Variants in DPP10 observed in about 807,000 individuals in gnomAD.
The protein encoded by DPP10 is inactive dipeptidyl peptidase 10.
Under a neutral mutation model 120.9 loss-of-function variants are expected in DPP10, and 33 were observed. That is an observed-to-expected ratio of 0.27 (90% CI 0.21 to 0.37). The LOEUF (loss-of-function observed/expected upper bound fraction) is 0.37, where lower values mean the gene tolerates loss of function less well. Among genes scored for constraint, DPP10 ranks in the 10% least tolerant of loss-of-function variants. DPP10 has a pLI of 1.00. For synonymous variants in DPP10, 337 were observed against 326.1 expected (o/e 1.03, Z -0.36); for missense variants, 816 against 942.8 (o/e 0.87, Z 1.76).
At position 115,814,935 on chromosome 2, in the gene DPP10, A is replaced by G. The variant is rs774133541; in HGVS notation, c.1843A>G (p.Ile615Val). The G allele has an allele frequency of 1.2e-6, 2 of 1,612,568 alleles. No homozygotes were observed. The highest frequency in any genetic ancestry group is 2.2e-5 in the East Asian group (1 of 44,826). Residue 615 changes from isoleucine to valine, a missense_variant, in exon 20 of 26, where the codon ATT becomes GTT. By Grantham distance (29) the Ile-to-Val change is conservative. Around this residue, in one of 3 missense-constraint regions of DPP10, gnomAD observed 592 missense variants for 649.0 expected, o/e 0.91. Coordinates refer to ENST00000410059, the MANE Select transcript of DPP10 (RefSeq NM_020868.6). ...CCAGGGTCTGAAAATTTTGCAGGAGATTCATCGAAGATTAGGTTCAGTAGA... is the reference window on the plus strand; with the variant it reads ...CCAGGGTCTGAAAATTTTGCAGGAGGTTCATCGAAGATTAGGTTCAGTAGA... ...GFQGLKILQE[I>V]HRRLGSVEVK... is the part of the protein sequence containing the mutation.
rs1340178145 is a variant in DPP10 at position 115,814,778 on chromosome 2, T to TG, written c.1701-14dup. On this transcript the variant is annotated splice_polypyrimidine_tract_variant and intron_variant, in intron 19 of 25. Coordinates refer to ENST00000410059, the MANE Select transcript of DPP10 (RefSeq NM_020868.6). ...CAGTTGCTCTTGTTTTGGTCCAATA[T>TG]GTTGGTATTTGCAGGGATGAAGAAC... 1 of 1,511,074 alleles carries TG rather than the reference T, an allele frequency of 6.6e-7. No individual in the cohort carries two copies. Among genetic ancestry groups the TG allele is most frequent in the Admixed American group, 1.8e-5 (1 of 56,672 alleles). 93.6% of individuals were successfully genotyped at this position (1,511,074 alleles called of 1,614,324 possible).
At chr2:115,218,902 C>T (rs1289244059) in intron 1 of DPP10, among the ~76,000 whole-genome samples, 1 of 151,938 alleles carries the variant, frequency 6.6e-6, no homozygotes, top group African/African-American at 2.4e-5. Context: ...TAAGAGGGAC[C>T]AATATCATAT....
At chr2:115,197,762 C>G (rs1013692642) in intron 1 of DPP10, among the ~76,000 whole-genome samples, 1 of 152,088 alleles carries the variant, frequency 6.6e-6, no homozygotes, top group Non-Finnish European at 1.5e-5. Context: ...TTGGATGAAG[C>G]AACAGGATAT....
intron 2 of DPP10, among the ~76,000 whole-genome samples, chr2:115,342,872 C>T (rs1056208211): frequency 7.9e-5 from 12 of 152,072 alleles, no homozygotes; most frequent in East Asian, 5.8e-4. Flanking sequence ...TTGCATTTGA[C>T]GTTATTGACT....
intron 3 of DPP10, among the ~76,000 whole-genome samples, chr2:115,460,367 A>G (rs1350495746): frequency 2.0e-5 from 3 of 152,118 alleles, no homozygotes; most frequent in East Asian, 1.9e-4. Flanking sequence ...AGTTTTATCT[A>G]TTTGAACTCA....
intron 1 of DPP10, among the ~76,000 whole-genome samples, chr2:114,573,726 A>G (rs1244894719): frequency 6.6e-6 from 1 of 152,148 alleles, no homozygotes; most frequent in Non-Finnish European, 1.5e-5. Flanking sequence ...TGGGGAGAAA[A>G]CACTCACATA....
At chr2:115,372,104 G>C (rs2065450129) in intron 3 of DPP10, among the ~76,000 whole-genome samples, 1 of 151,994 alleles carries the variant, frequency 6.6e-6, no homozygotes, top group South Asian at 2.1e-4. Flanking sequence ...TCCTTGGAGT[G>C]TTTTATTTTA....
At chr2:115,710,648 T>C (rs2092287560) in intron 7 of DPP10, among the ~76,000 whole-genome samples, 1 of 152,146 alleles carries the variant, frequency 6.6e-6, no homozygotes, top group African/African-American at 2.4e-5. Flanking sequence ...AACAAGTCAC[T>C]ATAAAATGCC....
chr2:115,510,993 G>A (rs2077194117), intron 4 of DPP10, among the ~76,000 whole-genome samples: 1 of 152,036 alleles, frequency 6.6e-6, no homozygotes, highest in Non-Finnish European at 1.5e-5. Flanking sequence ...TGCTTATCCT[G>A]CCACATTGCT....
intron 1 of DPP10, among the ~76,000 whole-genome samples, chr2:114,538,722 G>A (rs556729214): frequency 2.6e-5 from 4 of 152,250 alleles, no homozygotes; most frequent in South Asian, 2.1e-4. Flanking sequence ...CTAATTTAGC[G>A]TAGATTAGTG....
At chr2:115,776,693 T>C (rs1682138955) in intron 13 of DPP10, among the ~76,000 whole-genome samples, 1 of 152,130 alleles carries the variant, frequency 6.6e-6, no homozygotes, top group African/African-American at 2.4e-5. Context: ...ATGTTGGTCC[T>C]ATAAACACCT....
intron 25 of DPP10, 144 bp downstream of exon 25, chr2:115,840,967 C>A: frequency 1.7e-6 from 1 of 599,606 alleles, no homozygotes; most frequent in African/African-American, 1.9e-5. Context: ...GTTCTCTGTT[C>A]CTGATTACAC....
intron 1 of DPP10, among the ~76,000 whole-genome samples, chr2:114,548,685 A>G (rs546928808): frequency 2.6e-5 from 4 of 152,342 alleles, no homozygotes; most frequent in African/African-American, 9.6e-5. Flanking sequence ...GTGAAAACAC[A>G]AATAACTGGA....
intron 1 of DPP10, among the ~76,000 whole-genome samples, chr2:114,762,204 T>C (rs1680344910): frequency 1.3e-5 from 2 of 152,232 alleles, no homozygotes; most frequent in South Asian, 4.1e-4. Context: ...TTTTCTCCTC[T>C]TAAAGAGCAG....
chr2:115,626,999 T>C (rs535322456), intron 5 of DPP10, among the ~76,000 whole-genome samples: 5 of 152,234 alleles, frequency 3.3e-5, no homozygotes, highest in African/African-American at 1.2e-4. Flanking sequence ...AATGGCATAC[T>C]CAATGGTTAA....
At chr2:114,465,573 C>A (rs922535351) in intron 1 of DPP10, among the ~76,000 whole-genome samples, 6 of 152,194 alleles carry the variant, frequency 3.9e-5, no homozygotes, top group African/African-American at 1.2e-4. Context: ...AAACAATATT[C>A]CTGCAAGTTC....
intron 1 of DPP10, among the ~76,000 whole-genome samples, chr2:115,016,666 A>C (rs1413717130): frequency 3.3e-5 from 5 of 152,068 alleles, no homozygotes; most frequent in African/African-American, 7.2e-5. Context: ...AAGAAAAAAA[A>C]AACAACCCAT....
intron 5 of DPP10, among the ~76,000 whole-genome samples, chr2:115,582,558 T>A (rs1349143287): frequency 6.6e-6 from 1 of 152,200 alleles, no homozygotes; most frequent in Non-Finnish European, 1.5e-5. Context: ...AGTGATGCTC[T>A]CTTGCCCTGC....
At chr2:115,684,279 T>C (rs1273977158) in intron 5 of DPP10, among the ~76,000 whole-genome samples, 1 of 151,882 alleles carries the variant, frequency 6.6e-6, no homozygotes, top group East Asian at 1.9e-4. Context: ...ATTACAACAC[T>C]AGAGTCTCCT....
Sources: gnomAD v4.1 joint callset for allele counts (sites outside exome capture counted in the v4.1 genomes callset) on GRCh38, gnomAD v4.1.1 for gene constraint, gnomAD v4.1.1 regional missense constraint, MANE v1.5 for transcripts, NCBI Gene and HGNC (gene_info 2026-07-23, HGNC 2026-07-21) for gene names.